FAM171A1: variants seen among roughly 807,000 people sequenced by gnomAD.
FAM171A1 encodes protein FAM171A1.
FAM171A1 carries 23 observed loss-of-function variants against 74.9 expected under a neutral mutation model. That is an observed-to-expected ratio of 0.31 (90% CI 0.22 to 0.44). The LOEUF (loss-of-function observed/expected upper bound fraction) is 0.44, where lower values mean the gene tolerates loss of function less well. FAM171A1 is among the 20% of genes least tolerant of loss of function. FAM171A1 has a pLI of 1.00. For missense variants in FAM171A1, 1,162 were observed against 1,159.2 expected, an observed-to-expected ratio of 1.00 and a Z score of -0.03; for synonymous variants, 527 against 505.7, an observed-to-expected ratio of 1.04 and a Z score of -0.57.
intron 3 of FAM171A1, among the ~76,000 whole-genome samples, chr10:15,262,976 A>C (rs1834679216): frequency 6.6e-6 from 1 of 152,138 alleles, no homozygotes; most frequent in Non-Finnish European, 1.5e-5. Context: ...CCCTCCTGGG[A>C]GGACGGCATG....
rs372577172 is a variant in FAM171A1, at chr10:15,367,001, A to G, written c.97+3955T>C. ...ATCACAAGGTCAGGAGATCGAGATCATTCTGGCTAACACGATGAAACCCCT... is the reference window on the plus strand; with the variant it reads ...ATCACAAGGTCAGGAGATCGAGATCGTTCTGGCTAACACGATGAAACCCCT... On this transcript the variant is annotated intron_variant, in intron 1 of 7. Transcript: ENST00000378116. Among the ~76,000 whole-genome samples the G allele has an allele frequency of 9.8e-5, 15 of 152,330 alleles. 1 individual carries two copies. The highest frequency in any genetic ancestry group is 3.4e-4 in the African/African-American group (14 of 41,576).
At chr10:15,359,245 T>G (rs1564290504) in intron 1 of FAM171A1, among the ~76,000 whole-genome samples, 3 of 152,170 alleles carry the variant, frequency 2.0e-5, no homozygotes. Context: ...ATTTAATAAA[T>G]CACAGTTATC....
At chr10:15,335,546 A>G (rs909767023) in intron 1 of FAM171A1, among the ~76,000 whole-genome samples, 1 of 152,206 alleles carries the variant, frequency 6.6e-6, no homozygotes, top group Non-Finnish European at 1.5e-5. Flanking sequence ...GGGCCAAGGG[A>G]GATTATTAAA....
intron 5 of FAM171A1, among the ~76,000 whole-genome samples, chr10:15,229,782 ATC>A (rs1834172939): frequency 2.7e-5 from 1 of 36,364 alleles, no homozygotes; most frequent in African/African-American, 1.2e-4. Context: ...CATCATCACC[ATC>A]ACCACCATCA....
intron 1 of FAM171A1, among the ~76,000 whole-genome samples, chr10:15,290,725 G>C (rs1391716848): frequency 1.3e-5 from 2 of 152,168 alleles, no homozygotes; most frequent in Non-Finnish European, 2.9e-5. Context: ...TTCTTGAGGA[G>C]GTGTCATTTT....
intron 3 of FAM171A1, among the ~76,000 whole-genome samples, chr10:15,258,485 C>T (rs1834611853): frequency 6.6e-6 from 1 of 152,118 alleles, no homozygotes; most frequent in Admixed American, 6.5e-5. Flanking sequence ...TAGGCTTTTC[C>T]TCCCCAACCA....
intron 1 of FAM171A1, among the ~76,000 whole-genome samples, chr10:15,285,301 G>A (rs1410445940): frequency 6.6e-6 from 1 of 152,184 alleles, no homozygotes; most frequent in African/African-American, 2.4e-5. Flanking sequence ...GGAGAGGCAA[G>A]TAAGGCCAGA....
intron 1 of FAM171A1, among the ~76,000 whole-genome samples, chr10:15,360,733 G>C (rs535329844): frequency 6.6e-6 from 1 of 152,238 alleles, no homozygotes; most frequent in African/African-American, 2.4e-5. Context: ...TGGCATCTAG[G>C]GTCAACCACA....
chr10:15,346,472 A>G (rs1055133977), intron 1 of FAM171A1, among the ~76,000 whole-genome samples: 1 of 152,188 alleles, frequency 6.6e-6, no homozygotes, highest in Admixed American at 6.5e-5. Flanking sequence ...AGGCAGGAAA[A>G]TGATTATACA....
intron 1 of FAM171A1, among the ~76,000 whole-genome samples, chr10:15,315,033 G>A (rs936508779): frequency 2.6e-5 from 4 of 152,174 alleles, no homozygotes; most frequent in Admixed American, 2.6e-4. Context: ...TCACCCTCAG[G>A]CCTTTTTATT....
chr10:15,276,441 A>C (rs1834896394), intron 2 of FAM171A1, among the ~76,000 whole-genome samples: 1 of 152,216 alleles, frequency 6.6e-6, no homozygotes, highest in Non-Finnish European at 1.5e-5. Context: ...GGCCTCCCAA[A>C]GTGTTGGGAT....
At chr10:15,327,869 C>A (rs574758727) in intron 1 of FAM171A1, among the ~76,000 whole-genome samples, 10 of 151,286 alleles carry the variant, frequency 6.6e-5, no homozygotes, top group Admixed American at 1.3e-4. Context: ...TAAACCCTAC[C>A]ACCCCCGTGA....
chr10:15,216,168 T>C, intron 6 of FAM171A1, 58 bp from the exon 7 acceptor site: 1 of 1,105,064 alleles, frequency 9.0e-7, no homozygotes, highest in South Asian at 1.5e-5. Flanking sequence ...AAAAGAGGGA[T>C]CATTCATTGA....
chr10:15,349,066 T>G (rs1374871997), intron 1 of FAM171A1, among the ~76,000 whole-genome samples: 1 of 152,226 alleles, frequency 6.6e-6, no homozygotes. Flanking sequence ...TCGATTTATA[T>G]CCAATCAGAG....
chr10:15,306,564 C>T (rs1160706805), intron 1 of FAM171A1, among the ~76,000 whole-genome samples: 1 of 152,100 alleles, frequency 6.6e-6, no homozygotes, highest in Non-Finnish European at 1.5e-5. Flanking sequence ...CGGGGTTTCA[C>T]CATGTTGGCC....
At chr10:15,324,562 C>T (rs915637922) in intron 1 of FAM171A1, among the ~76,000 whole-genome samples, 1 of 152,152 alleles carries the variant, frequency 6.6e-6, no homozygotes, top group South Asian at 2.1e-4. Context: ...CAGCCCCGTG[C>T]GCTAGCTGGC....
chr10:15,256,539 G>A (rs943332363), intron 3 of FAM171A1, among the ~76,000 whole-genome samples: 1 of 152,170 alleles, frequency 6.6e-6, no homozygotes, highest in African/African-American at 2.4e-5. Context: ...TCTAACTCCG[G>A]TCATCTCTGC....
intron 1 of FAM171A1, among the ~76,000 whole-genome samples, chr10:15,302,988 A>C (rs1017764913): frequency 1.3e-5 from 2 of 152,172 alleles, no homozygotes; most frequent in Admixed American, 1.3e-4. Flanking sequence ...CAGGAGTTTG[A>C]GACAAGCCTG....
At chr10:15,258,384 C>A (rs2131773842) in intron 3 of FAM171A1, among the ~76,000 whole-genome samples, 1 of 152,274 alleles carries the variant, frequency 6.6e-6, no homozygotes, top group Non-Finnish European at 1.5e-5. Flanking sequence ...CCTCCAAGGT[C>A]AATCCAAGCC....
Sources: gnomAD v4.1 joint callset for allele counts (sites outside exome capture counted in the v4.1 genomes callset) on GRCh38, gnomAD v4.1.1 for gene constraint, MANE v1.5 for transcripts, NCBI Gene and HGNC (gene_info 2026-07-23, HGNC 2026-07-21) for gene names.